The following SGPL1 variants were observed in gnomAD, a reference collection of about 807,000 sequenced individuals.
SGPL1 encodes the protein sphingosine-1-phosphate lyase 1.
In SGPL1, 37 loss-of-function variants were observed where a neutral mutation model predicts 68.9. The observed-to-expected ratio is 0.54, with a 90% CI of 0.41 to 0.71. The LOEUF (loss-of-function observed/expected upper bound fraction) is 0.71, where lower values mean the gene tolerates loss of function less well. SGPL1 is among the 30% of genes least tolerant of loss of function. The pLI is 0.00. For missense variants in SGPL1, 551 were observed against 704.6 expected (o/e 0.78, Z 2.47); for synonymous variants, 236 against 248.5 (o/e 0.95, Z 0.47).
At chr10:70,870,295 C>T (rs1846267903) in intron 9 of SGPL1, among the ~76,000 whole-genome samples, 1 of 151,962 alleles carries the variant, frequency 6.6e-6, no homozygotes, top group Non-Finnish European at 1.5e-5. Context: ...CCCTTGAGCC[C>T]AGGAGTTTGC....
chr10:70,833,428 TG>T (rs1393639417), intron 2 of SGPL1, among the ~76,000 whole-genome samples: 1 of 152,220 alleles, frequency 6.6e-6, no homozygotes, highest in Non-Finnish European at 1.5e-5. Flanking sequence ...CAGTCACTAC[TG>T]GTTGCTTGGA....
intron 13 of SGPL1, among the ~76,000 whole-genome samples, chr10:70,876,014 C>T (rs1323478874): frequency 6.6e-6 from 1 of 152,214 alleles, no homozygotes. Flanking sequence ...CAGGTCTGTT[C>T]ATGTCCTCTG....
rs143486054 is a variant in SGPL1 at position 70,860,196 on chromosome 10, T to C, written c.615+697T>C. 2.6e-3 allele frequency among the ~76,000 whole-genome samples: 399 copies of C among 152,326 alleles called. 3 individuals are homozygous for C. The highest frequency in any genetic ancestry group is 4.8e-3 in the Non-Finnish European group (329 of 68,018). On this transcript the variant is annotated intron_variant, in intron 7 of 14. Transcript: ENST00000373202. ...TATGATAGATAAACTTCTGTTTAGA[T>C]CTGTTGTCTTTAGAAAAAACGAAAT... is the stretch of plus-strand genomic sequence containing the variant.
Position 70,875,541 on chromosome 10 carries a change from C to G in SGPL1, c.1438C>G (p.Pro480Ala), listed in dbSNP as rs773304680. ...GTGGAACTTGAACCAGTTGCAGTTCCCACCCAGGTAAGCTTGAAGAAGCCT... is the reference window on the plus strand; with the variant it reads ...GTGGAACTTGAACCAGTTGCAGTTCGCACCCAGGTAAGCTTGAAGAAGCCT... The part of the protein sequence containing the change: ...KGWNLNQLQF[P>A]PSIHFCITLL... The change falls in exon 13 of 15, where the codon CCA (proline) becomes GCA (alanine). Residue 480 changes from proline (P) to alanine (A), a missense_variant. By Grantham distance (27) the Pro-to-Ala change is conservative. Coordinates refer to ENST00000373202, the MANE Select transcript of SGPL1 (RefSeq NM_003901.4). 6.2e-7 allele frequency: 1 copy of G among 1,608,026 alleles called. No individual in the cohort carries two copies. Among genetic ancestry groups the G allele is most frequent in the African/African-American group, 1.3e-5 (1 of 74,816 alleles).
chr10:70,817,675 A>G (rs1249774225), intron 2 of SGPL1, among the ~76,000 whole-genome samples: 1 of 152,080 alleles, frequency 6.6e-6, no homozygotes, highest in Non-Finnish European at 1.5e-5. Flanking sequence ...AACCTCTATT[A>G]TTACGTTTTA....
intron 4 of SGPL1, among the ~76,000 whole-genome samples, chr10:70,853,021 A>T (rs770079681): frequency 6.6e-6 from 1 of 152,214 alleles, no homozygotes; most frequent in Non-Finnish European, 1.5e-5. Flanking sequence ...GCTTTCTAAT[A>T]TACCTCTCTG....
intron 3 of SGPL1, among the ~76,000 whole-genome samples, chr10:70,846,353 GAAATA>G (rs1389289425): frequency 2.1e-5 from 3 of 145,428 alleles, no homozygotes; most frequent in Non-Finnish European, 4.5e-5. Context: ...GGGGTAGCAA[GAAATA>G]TACTTTCTTT....
At chr10:70,824,880 A>G (rs1229953857) in intron 2 of SGPL1, among the ~76,000 whole-genome samples, 1 of 152,156 alleles carries the variant, frequency 6.6e-6, no homozygotes, top group East Asian at 1.9e-4. Flanking sequence ...TTTTGAAATC[A>G]AGAGTCTAAA....
chr10:70,857,709 AG>A lies in SGPL1; in HGVS notation c.486+22del. ...TGTGAAGGTGAGTGTCCAGTTCTTG[AG>A]GGAAGCCTGTGAGGTCTGTGCCAGT... On this transcript the variant is annotated intron_variant, in intron 6 of 14. Coordinates refer to ENST00000373202, the MANE Select transcript of SGPL1 (RefSeq NM_003901.4). The A allele has an allele frequency of 6.3e-7, 1 of 1,579,806 alleles. No individual in the cohort carries two copies. The highest frequency in any genetic ancestry group is 2.3e-5 in the East Asian group (1 of 44,402).
intron 12 of SGPL1, among the ~76,000 whole-genome samples, chr10:70,874,157 A>G (rs1347565089): frequency 6.6e-6 from 1 of 152,242 alleles, no homozygotes. Context: ...AGGCCAGAAC[A>G]GGCTGCATGC....
chr10:70,836,924 G>A (rs978915344), intron 2 of SGPL1, among the ~76,000 whole-genome samples: 2 of 151,710 alleles, frequency 1.3e-5, no homozygotes, highest in Non-Finnish European at 2.9e-5. Flanking sequence ...GCCTCATGAG[G>A]TTATAAAATA....
At position 70,868,404 on chromosome 10, in the gene SGPL1, C is replaced by T. The variant is rs748926504; in HGVS notation, c.675C>T (p.Ala225=). 1.2e-6 allele frequency: 2 copies of T among 1,613,690 alleles called. No individual in the cohort carries two copies. The highest frequency in any genetic ancestry group is 2.7e-5 in the African/African-American group (2 of 74,876). The change falls in exon 8 of 15, where the codon GCC becomes GCT. Residue 225 remains alanine (A), a synonymous_variant. Transcript: ENST00000373202. Reference sequence around the variant, plus strand: ...CCTGCAAAGCATATCGGGATCTGGCCTTTGAGAAGGGGATCAAAACTCCAG... The same window carrying T: ...CCTGCAAAGCATATCGGGATCTGGCTTTTGAGAAGGGGATCAAAACTCCAG... ...LMACKAYRDL[A]FEKGIKTPEI... is the part of the protein sequence containing the mutation.
intron 7 of SGPL1, among the ~76,000 whole-genome samples, chr10:70,863,288 T>TC (rs1846114477): frequency 8.5e-6 from 1 of 117,548 alleles, no homozygotes; most frequent in African/African-American, 2.9e-5. Context: ...CGCTTGGCCG[T>TC]CTTTTTTTTT....
chr10:70,860,309 T>C, intron 7 of SGPL1: 1 of 453,528 alleles, frequency 2.2e-6, no homozygotes. Flanking sequence ...TCATCATATT[T>C]GCAGTCATTA....
chr10:70,867,674 G>A (rs1303939706), intron 7 of SGPL1, among the ~76,000 whole-genome samples: 1 of 152,130 alleles, frequency 6.6e-6, no homozygotes, highest in Non-Finnish European at 1.5e-5. Context: ...ATAGTCCAGT[G>A]AGGGAAATAA....
intron 4 of SGPL1, among the ~76,000 whole-genome samples, chr10:70,853,600 C>T (rs1376353622): frequency 6.6e-6 from 1 of 152,018 alleles, no homozygotes; most frequent in Non-Finnish European, 1.5e-5. Flanking sequence ...TTCCTGTGTG[C>T]TCCATTGCCT....
chr10:70,869,855 T>C lies in SGPL1; in HGVS notation c.768T>C (p.Ile256=). Residue 256 remains isoleucine, a synonymous_variant, in exon 9 of 15, where the codon ATT becomes ATC. Coordinates refer to ENST00000373202, the MANE Select transcript of SGPL1 (RefSeq NM_003901.4). The part of the protein sequence containing the change: ...NKAASYFGMK[I]VRVPLTKMME... ...CAGCCAGTTACTTTGGGATGAAGATTGTGCGGGTCCCATTGACGAAGATGA... is the reference window on the plus strand; with the variant it reads ...CAGCCAGTTACTTTGGGATGAAGATCGTGCGGGTCCCATTGACGAAGATGA... 6.2e-7 allele frequency: 1 copy of C among 1,614,142 alleles called. No homozygotes were observed. Among genetic ancestry groups the C allele is most frequent in the Non-Finnish European group, 8.5e-7 (1 of 1,180,018 alleles).
At chr10:70,877,130 C>T in intron 14 of SGPL1, 65 bp from the exon 15 acceptor site, 1 of 1,547,132 alleles carries the variant, frequency 6.5e-7, no homozygotes, top group South Asian at 1.1e-5. Flanking sequence ...GGGCTCATTG[C>T]TGCAGTTTTA....
At chr10:70,854,927 A>G (rs1465772646) in intron 5 of SGPL1, 72 bp downstream of exon 5, 11 of 1,347,086 alleles carry the variant, frequency 8.2e-6, no homozygotes, top group Middle Eastern at 1.9e-4. Flanking sequence ...TAATGTTCAC[A>G]TAGGTTAAGA....
Sources: gnomAD v4.1 joint callset for allele counts (sites outside exome capture counted in the v4.1 genomes callset) on GRCh38, gnomAD v4.1.1 for gene constraint, MANE v1.5 for transcripts, NCBI Gene and HGNC (gene_info 2026-07-23, HGNC 2026-07-21) for gene names.